The following ROBO1 variants were observed in gnomAD, a reference collection of about 807,000 sequenced individuals.
ROBO1 encodes roundabout homolog 1.
ROBO1 carries 149 observed loss-of-function variants against 195.9 expected under a neutral mutation model. The ratio of observed to expected loss-of-function variants is 0.76; its 90% CI spans 0.67 to 0.87. The LOEUF (loss-of-function observed/expected upper bound fraction) is 0.87. Ranked by LOEUF, ROBO1 falls within the 40% of genes least tolerant of loss-of-function variation. The probability of loss-of-function intolerance (pLI) is 0.00; values close to 1 mark genes in which losing one functional copy is unlikely to be tolerated. For missense variants in ROBO1, 1,933 were observed against 2,068.3 expected (o/e 0.93, Z 1.27); for synonymous variants, 816 against 733.2 (o/e 1.11, Z -1.82).
At chr3:79,106,179 G>A (rs2079775846) in intron 3 of ROBO1, among the ~76,000 whole-genome samples, 1 of 151,660 alleles carries the variant, frequency 6.6e-6, no homozygotes. Context: ...AAAAATAAAA[G>A]AAGTGTACCA....
At chr3:78,892,843 T>C (rs1576356916) in intron 4 of ROBO1, among the ~76,000 whole-genome samples, 2 of 152,174 alleles carry the variant, frequency 1.3e-5, no homozygotes, top group Non-Finnish European at 2.9e-5. Flanking sequence ...ATCAACTACA[T>C]AGTCACAGGA....
chr3:78,728,543 A>C (rs1440075634), intron 5 of ROBO1, among the ~76,000 whole-genome samples: 1 of 151,434 alleles, frequency 6.6e-6, no homozygotes, highest in African/African-American at 2.5e-5. Flanking sequence ...GTCTATTCTC[A>C]AGTGAAGGGT....
chr3:78,994,156 A>C (rs1177275665), intron 3 of ROBO1, among the ~76,000 whole-genome samples: 2 of 152,138 alleles, frequency 1.3e-5, no homozygotes, highest in Non-Finnish European at 2.9e-5. Flanking sequence ...AGAGTTTTAA[A>C]AGGAAGCTTT....
At chr3:78,898,444 G>A (rs2037384927) in intron 4 of ROBO1, among the ~76,000 whole-genome samples, 1 of 139,844 alleles carries the variant, frequency 7.2e-6, no homozygotes. Flanking sequence ...CTGGAGTGCA[G>A]TGGCGTGATC....
intron 2 of ROBO1, among the ~76,000 whole-genome samples, chr3:79,482,979 C>T (rs2107393154): frequency 6.6e-6 from 1 of 152,250 alleles, no homozygotes; most frequent in Non-Finnish European, 1.5e-5. Flanking sequence ...TCAAACTCCT[C>T]AACAACAACA....
At chr3:78,930,040 C>T (rs548423002) in intron 4 of ROBO1, among the ~76,000 whole-genome samples, 4 of 152,106 alleles carry the variant, frequency 2.6e-5, no homozygotes, top group South Asian at 2.1e-4. Flanking sequence ...TATTCCAGAA[C>T]GAAAGAAAAC....
Position 78,598,907 on chromosome 3 carries a change from T to TTGTC in ROBO1, c.*2_*5dup. ...ACATTAGATCTCATAAGCCTCTTGG[T>TTGTC]TGTCTTCAGCTTTCAGTTTCCTGTA... On this transcript the variant is annotated 3_prime_UTR_variant, in exon 31 of 31. Coordinates refer to ENST00000464233, the MANE Select transcript of ROBO1 (RefSeq NM_002941.4). 1 of 1,571,998 alleles carries TTGTC rather than the reference T, an allele frequency of 6.4e-7. No homozygotes were observed.
chr3:79,621,997 G>A (rs911541102), intron 1 of ROBO1, among the ~76,000 whole-genome samples: 1 of 152,120 alleles, frequency 6.6e-6, no homozygotes. Context: ...TTCTTCACCA[G>A]CAACAAAGGT....
At chr3:78,867,950 G>A (rs778911684) in intron 4 of ROBO1, among the ~76,000 whole-genome samples, 19 of 152,088 alleles carry the variant, frequency 1.2e-4, no homozygotes, top group Admixed American at 7.2e-4. Flanking sequence ...GAACCTCTCC[G>A]TCTATTCTTG....
intron 8 of ROBO1, among the ~76,000 whole-genome samples, chr3:78,699,395 CAAAAAAAAA>C (rs60574193): frequency 2.4e-5 from 2 of 83,052 alleles, no homozygotes; most frequent in Non-Finnish European, 2.2e-5. Flanking sequence ...ACTAAAAATA[CAAAAAAAAA>C]AAAAAAAAAA....
At chr3:79,725,624 A>G (rs1374656709) in intron 1 of ROBO1, among the ~76,000 whole-genome samples, 1 of 152,124 alleles carries the variant, frequency 6.6e-6, no homozygotes, top group African/African-American at 2.4e-5. Flanking sequence ...TGCAATACCA[A>G]TCCTGTAATG....
At chr3:79,508,440 C>A (rs1940527732) in intron 2 of ROBO1, among the ~76,000 whole-genome samples, 1 of 152,130 alleles carries the variant, frequency 6.6e-6, no homozygotes, top group Admixed American at 6.5e-5. Flanking sequence ...ATTTCTTTGG[C>A]TTAAAACCCT....
At chr3:79,264,195 G>A (rs1468576518) in intron 2 of ROBO1, among the ~76,000 whole-genome samples, 1 of 151,936 alleles carries the variant, frequency 6.6e-6, no homozygotes, top group Non-Finnish European at 1.5e-5. Flanking sequence ...ACTGGGTTCT[G>A]GCCATCCTAC....
chr3:78,795,609 T>A, intron 4 of ROBO1, among the ~76,000 whole-genome samples: 1 of 152,268 alleles, frequency 6.6e-6, no homozygotes, highest in Non-Finnish European at 1.5e-5. Flanking sequence ...AGATGATTGA[T>A]AACTTCTTTT....
intron 3 of ROBO1, among the ~76,000 whole-genome samples, chr3:78,996,773 C>G (rs2077377989): frequency 6.6e-6 from 1 of 152,030 alleles, no homozygotes; most frequent in Non-Finnish European, 1.5e-5. Flanking sequence ...TGTTAAACAT[C>G]TAAAATAAAT....
chr3:79,639,815 T>C (rs1945603556), intron 1 of ROBO1, among the ~76,000 whole-genome samples: 1 of 152,202 alleles, frequency 6.6e-6, no homozygotes, highest in Non-Finnish European at 1.5e-5. Flanking sequence ...TATTATGGCA[T>C]GAGTATTTGA....
In ROBO1 at chr3:78,945,161, G is replaced by A. The variant is rs564021697; in HGVS notation, c.173-6234C>T. Among the ~76,000 whole-genome samples, 26 of 152,334 alleles carry A rather than the reference G, an allele frequency of 1.7e-4. No individual in the cohort carries two copies. The South Asian group carries it at 5.2e-3, about 30-fold the overall frequency. ...TTAAATGTCCCTCTCTGACAGCTTT[G>A]AAGAGAGTAGTGGTTCTCCCAGCAC... On this transcript the variant is annotated intron_variant, in intron 3 of 30. Coordinates refer to ENST00000464233, the MANE Select transcript of ROBO1 (RefSeq NM_002941.4).
intron 2 of ROBO1, among the ~76,000 whole-genome samples, chr3:79,221,749 C>A (rs2082142714): frequency 6.6e-6 from 1 of 151,912 alleles, no homozygotes; most frequent in Non-Finnish European, 1.5e-5. Flanking sequence ...ATTTTCCAAG[C>A]CGGTGTAATA....
chr3:79,335,861 G>A (rs1008646613), intron 2 of ROBO1, among the ~76,000 whole-genome samples: 7 of 152,220 alleles, frequency 4.6e-5, no homozygotes, highest in Admixed American at 1.3e-4. Context: ...TTGTTGAATG[G>A]TTTTGACCAA....
Sources: allele counts gnomAD v4.1 joint callset (sites outside exome capture counted in the v4.1 genomes callset), GRCh38; gene constraint gnomAD v4.1.1; transcripts MANE v1.5; gene names NCBI Gene and HGNC (gene_info 2026-07-23, HGNC 2026-07-21).